PLCB1: variants seen among roughly 807,000 people sequenced by gnomAD.
The protein encoded by PLCB1 is phospholipase C beta 1.
Under a neutral mutation model 161.8 loss-of-function variants are expected in PLCB1, and 46 were observed. The observed-to-expected ratio is 0.28, with a 90% CI of 0.22 to 0.36. PLCB1 has a LOEUF of 0.36. Ranked by LOEUF, PLCB1 falls within the 10% of genes least tolerant of loss-of-function variation. The probability of loss-of-function intolerance (pLI) is 1.00; values close to 1 mark genes in which losing one functional copy is unlikely to be tolerated. For synonymous variants in PLCB1, 517 were observed against 503.7 expected, an observed-to-expected ratio of 1.03 and a Z score of -0.35; for missense variants, 1,016 against 1,472.5, an observed-to-expected ratio of 0.69 and a Z score of 5.07.
intron 3 of PLCB1, among the ~76,000 whole-genome samples, chr20:8,442,139 G>A (rs1054888578): frequency 2.0e-5 from 3 of 152,006 alleles, no homozygotes; most frequent in African/African-American, 7.2e-5. Context: ...TTTTTATTTT[G>A]AGAATTTTCT....
intron 9 of PLCB1, among the ~76,000 whole-genome samples, chr20:8,675,493 C>T (rs1328516583): frequency 1.3e-5 from 2 of 152,088 alleles, no homozygotes; most frequent in Non-Finnish European, 2.9e-5. Context: ...AAGTCCCAGC[C>T]AGGCAAAGCA....
intron 16 of PLCB1, among the ~76,000 whole-genome samples, chr20:8,727,033 A>G (rs1315517764): frequency 1.3e-5 from 2 of 152,038 alleles, no homozygotes; most frequent in African/African-American, 4.8e-5. Flanking sequence ...TTGCCACACT[A>G]TACTCATCTA....
intron 9 of PLCB1, among the ~76,000 whole-genome samples, chr20:8,676,906 GA>G (rs1424272307): frequency 6.6e-6 from 1 of 152,010 alleles, no homozygotes; most frequent in African/African-American, 2.4e-5. Flanking sequence ...AATGTCCATA[GA>G]AAAATAACCA....
At position 8,297,364 on chromosome 20, in the gene PLCB1, T is replaced by C. The variant is rs138662945; in HGVS notation, c.178-74018T>C. On this transcript the variant is annotated intron_variant, in intron 2 of 31. Coordinates refer to ENST00000338037, the MANE Select transcript of PLCB1 (RefSeq NM_015192.4). ...TCTTTCCCCATTTCTGTAGAAAAAA[T>C]GAATTTACACTCAAAAAAGTTGATT... 2.3e-3 allele frequency among the ~76,000 whole-genome samples: 348 copies of C among 152,200 alleles called. 1 individual carries two copies. Among genetic ancestry groups the C allele is most frequent in the African/African-American group, 8.1e-3 (336 of 41,508 alleles).
intron 18 of PLCB1, chr20:8,732,306 A>C (rs1356819881): frequency 6.6e-6 from 1 of 152,040 alleles, no homozygotes; most frequent in Non-Finnish European, 1.5e-5. Context: ...TAGTAGTATA[A>C]GCTGGTTTAA....
chr20:8,204,421 C>A (rs564768784), intron 2 of PLCB1, among the ~76,000 whole-genome samples: 2 of 152,082 alleles, frequency 1.3e-5, no homozygotes, highest in South Asian at 4.2e-4. Context: ...TTCATAAGCA[C>A]CCTAGGTGAT....
intron 11 of PLCB1, among the ~76,000 whole-genome samples, chr20:8,704,054 A>G (rs1446461595): frequency 6.6e-6 from 1 of 152,208 alleles, no homozygotes; most frequent in African/African-American, 2.4e-5. Flanking sequence ...AGCCATCATC[A>G]GAAAAGTTAG....
At chr20:8,224,803 C>G (rs757480636) in intron 2 of PLCB1, among the ~76,000 whole-genome samples, 1 of 152,140 alleles carries the variant, frequency 6.6e-6, no homozygotes, top group Non-Finnish European at 1.5e-5. Flanking sequence ...TATTCACTAT[C>G]CATCCTCACC....
chr20:8,458,734 C>T (rs1241053169), intron 3 of PLCB1, among the ~76,000 whole-genome samples: 2 of 152,192 alleles, frequency 1.3e-5, no homozygotes, highest in Non-Finnish European at 2.9e-5. Flanking sequence ...ATTCTGGACT[C>T]TTAAGTAAGT....
chr20:8,136,572 G>A (rs1284067664), intron 1 of PLCB1, among the ~76,000 whole-genome samples: 4 of 151,070 alleles, frequency 2.6e-5, no homozygotes. Flanking sequence ...CTTGCAGTGA[G>A]CCGAGATCGC....
chr20:8,428,523 C>T (rs1313206994), intron 3 of PLCB1, among the ~76,000 whole-genome samples: 8 of 152,172 alleles, frequency 5.3e-5, no homozygotes, highest in Non-Finnish European at 2.9e-5. Flanking sequence ...GCCCAGCCAA[C>T]TGTAAGGGTT....
intron 3 of PLCB1, among the ~76,000 whole-genome samples, chr20:8,527,071 G>C (rs1224967791): frequency 1.3e-5 from 2 of 152,102 alleles, no homozygotes; most frequent in African/African-American, 4.8e-5. Context: ...ACATCTGGGT[G>C]ATGCCAGACA....
At chr20:8,632,643 G>A (rs552739261) in intron 4 of PLCB1, among the ~76,000 whole-genome samples, 1 of 152,278 alleles carries the variant, frequency 6.6e-6, no homozygotes, top group South Asian at 2.1e-4. Flanking sequence ...AGCAAAGACT[G>A]GAAGGAGGTG....
intron 3 of PLCB1, among the ~76,000 whole-genome samples, chr20:8,438,565 A>G (rs1359288780): frequency 6.6e-6 from 1 of 152,192 alleles, no homozygotes; most frequent in East Asian, 1.9e-4. Flanking sequence ...CATGGCTCTT[A>G]CAACCCAATA....
intron 2 of PLCB1, among the ~76,000 whole-genome samples, chr20:8,243,597 G>T (rs1404045820): frequency 6.6e-6 from 1 of 151,882 alleles, no homozygotes; most frequent in African/African-American, 2.4e-5. Context: ...ATGCTTTGTG[G>T]TGCTTACTTT....
At chr20:8,442,244 A>C (rs1980592412) in intron 3 of PLCB1, among the ~76,000 whole-genome samples, 1 of 152,182 alleles carries the variant, frequency 6.6e-6, no homozygotes, top group African/African-American at 2.4e-5. Context: ...ATAATTTCTA[A>C]AGAACAGGAA....
rs776801534 is a variant in PLCB1 at position 8,708,621 on chromosome 20, C to T, written c.1168-49C>T. The T allele has an allele frequency of 3.6e-6, 4 of 1,108,886 alleles. No individual in the cohort carries two copies. In the Admixed American group the frequency reaches 5.2e-5, roughly 14 times the overall value. 68.7% of individuals were successfully genotyped at this position (1,108,886 alleles called of 1,614,324 possible). ...AGATTTAATACCTTTCAAGAATATA[C>T]AGATGAAAAATTCTGGCATACTGAA... On this transcript the variant is annotated intron_variant, in intron 11 of 31. Transcript: ENST00000338037.
chr20:8,671,489 A>G (rs1002900469), intron 9 of PLCB1, among the ~76,000 whole-genome samples: 1 of 152,220 alleles, frequency 6.6e-6, no homozygotes, highest in African/African-American at 2.4e-5. Context: ...ATGTAAATTA[A>G]GTCGGGAAAA....
At chr20:8,727,613 G>T (rs1477036641) in intron 17 of PLCB1, among the ~76,000 whole-genome samples, 1 of 152,026 alleles carries the variant, frequency 6.6e-6, no homozygotes, top group East Asian at 1.9e-4. Context: ...TAGATTTCAA[G>T]GTTGCCTTCA....
Sources: gnomAD v4.1 joint callset for allele counts (sites outside exome capture counted in the v4.1 genomes callset) on GRCh38, gnomAD v4.1.1 for gene constraint, MANE v1.5 for transcripts, NCBI Gene and HGNC (gene_info 2026-07-23, HGNC 2026-07-21) for gene names.